The following FRMD4A variants were observed in gnomAD, a reference collection of about 807,000 sequenced individuals.
FRMD4A encodes FERM domain-containing protein 4A.
A neutral mutation model predicts 129.1 loss-of-function variants in FRMD4A; 29 were observed. That is an observed-to-expected ratio of 0.22 (90% CI 0.17 to 0.31). The LOEUF is 0.31. FRMD4A is among the 10% of genes least tolerant of loss of function. The probability of loss-of-function intolerance (pLI) is 1.00; values close to 1 mark genes in which losing one functional copy is unlikely to be tolerated. For synonymous variants in FRMD4A, 634 were observed against 571.6 expected (o/e 1.11, Z -1.56); for missense variants, 1,272 against 1,375.8 (o/e 0.92, Z 1.19).
chr10:14,115,193 G>A (rs1009178451), intron 2 of FRMD4A, among the ~76,000 whole-genome samples: 1 of 152,160 alleles, frequency 6.6e-6, no homozygotes, highest in Non-Finnish European at 1.5e-5. Flanking sequence ...TATAGTAACA[G>A]CACACCTCAT....
At chr10:13,796,461 A>G (rs1283101769) in intron 5 of FRMD4A, 35 bp downstream of exon 5, 3 of 1,043,586 alleles carry the variant, frequency 2.9e-6, no homozygotes, top group Non-Finnish European at 4.5e-6. Context: ...TAAAGAACAC[A>G]AAGAAGCAAA....
At chr10:13,931,709 G>A (rs1303602083) in intron 2 of FRMD4A, among the ~76,000 whole-genome samples, 9 of 150,632 alleles carry the variant, frequency 6.0e-5, no homozygotes, top group East Asian at 5.8e-4. Flanking sequence ...AGGCCACGGT[G>A]GGCAGATCAC....
intron 2 of FRMD4A, among the ~76,000 whole-genome samples, chr10:13,942,314 T>C (rs1450717809): frequency 6.6e-6 from 1 of 152,180 alleles, no homozygotes; most frequent in Non-Finnish European, 1.5e-5. Context: ...CCCCTCCCTG[T>C]GTACTGCCTG....
At chr10:13,852,250 T>C (rs563560894) in intron 3 of FRMD4A, among the ~76,000 whole-genome samples, 1 of 144,328 alleles carries the variant, frequency 6.9e-6, no homozygotes, top group East Asian at 2.0e-4. Context: ...AAGATTTTAA[T>C]TTTTTTTTTT....
intron 2 of FRMD4A, among the ~76,000 whole-genome samples, chr10:13,916,048 G>A (rs963734605): frequency 3.0e-4 from 46 of 152,210 alleles, no homozygotes; most frequent in African/African-American, 1.0e-3. Context: ...TGGAGAAGTC[G>A]CAATGATCTG....
intron 2 of FRMD4A, among the ~76,000 whole-genome samples, chr10:14,029,178 T>C (rs1833117682): frequency 2.0e-5 from 3 of 152,120 alleles, no homozygotes; most frequent in Admixed American, 2.0e-4. Context: ...ATCATCTCTT[T>C]CTCCCATTTC....
chr10:13,780,188 G>A (rs563605791), intron 6 of FRMD4A, among the ~76,000 whole-genome samples: 2 of 152,062 alleles, frequency 1.3e-5, no homozygotes, highest in African/African-American at 2.4e-5. Flanking sequence ...CTAGCCAAGC[G>A]TGGTGGTGCA....
intron 2 of FRMD4A, among the ~76,000 whole-genome samples, chr10:14,105,333 A>G (rs1294452142): frequency 1.3e-5 from 2 of 152,190 alleles, no homozygotes. Context: ...TGGGTGGCCA[A>G]GACCAGAAGA....
intron 2 of FRMD4A, among the ~76,000 whole-genome samples, chr10:13,978,409 C>T (rs1463678755): frequency 1.3e-5 from 2 of 152,178 alleles, no homozygotes; most frequent in Admixed American, 6.5e-5. Context: ...ATACCTCCTT[C>T]TTCTGCTCCT....
intron 2 of FRMD4A, chr10:14,326,321 G>A (rs1485770857): frequency 1.3e-5 from 2 of 152,164 alleles, no homozygotes; most frequent in African/African-American, 4.8e-5. Context: ...AGTGTTAGAA[G>A]GTCCTAGAAG....
At chr10:14,187,899 AC>A (rs1207421914) in intron 2 of FRMD4A, among the ~76,000 whole-genome samples, 5 of 152,216 alleles carry the variant, frequency 3.3e-5, no homozygotes, top group Admixed American at 3.3e-4. Context: ...GGGCCTTGGG[AC>A]AGTGGGGTTC....
chr10:13,812,498 T>C (rs978839895), intron 3 of FRMD4A, among the ~76,000 whole-genome samples: 1 of 152,224 alleles, frequency 6.6e-6, no homozygotes, highest in African/African-American at 2.4e-5. Context: ...ATTTATTGAA[T>C]GCCTACTATG....
chr10:14,218,696 A>G (rs1843150194), intron 2 of FRMD4A, among the ~76,000 whole-genome samples: 1 of 152,068 alleles, frequency 6.6e-6, no homozygotes, highest in African/African-American at 2.4e-5. Context: ...GAGCTACAAG[A>G]TGAGATTTGG....
intron 21 of FRMD4A, among the ~76,000 whole-genome samples, chr10:13,658,301 G>A (rs2082349105): frequency 6.6e-6 from 1 of 152,184 alleles, no homozygotes; most frequent in Non-Finnish European, 1.5e-5. Context: ...GGAAATAGAA[G>A]GTTGGTGGCA....
In FRMD4A at chr10:13,694,579, G is replaced by C. The variant is rs567010921; in HGVS notation, c.976-540C>G. Among the ~76,000 whole-genome samples, 18 of 152,328 alleles carry C rather than the reference G, an allele frequency of 1.2e-4. 1 individual carries two copies. In the South Asian group the frequency reaches 3.5e-3, roughly 30 times the overall value. On this transcript the variant is annotated intron_variant, in intron 14 of 24. Transcript: ENST00000357447. ...TTTCAGTGCTGTGAAAGACCTAAGA[G>C]ATTTAAACCTCTTAAATAGTTTGCC...
At position 13,666,299 on chromosome 10, in the gene FRMD4A, TCGTTCCAGG is replaced by T; in HGVS notation, c.1392_1400del (p.Leu465_Arg467del). 6.2e-7 allele frequency: 1 copy of T among 1,614,062 alleles called. No homozygotes were observed. The highest frequency in any genetic ancestry group is 8.5e-7 in the Non-Finnish European group (1 of 1,179,916). Reference sequence around the variant, plus strand: ...TAATCTGGGACTGAATGGCAAACTCTCGTTCCAGGCGTTCCAGCTCAGCTTCCTGTGGGA... The same window carrying T: ...TAATCTGGGACTGAATGGCAAACTCTCGTTCCAGCTCAGCTTCCTGTGGGA... On this transcript the variant is annotated inframe_deletion, in exon 18 of 25. Transcript: ENST00000357447.
At chr10:13,907,947 C>T (rs190959078) in intron 2 of FRMD4A, among the ~76,000 whole-genome samples, 2,155 of 151,246 alleles carry the variant, frequency 0.014, 50 homozygotes, top group African/African-American at 0.049. Context: ...AGGCGGATCA[C>T]CTGAGGTCAG....
intron 2 of FRMD4A, among the ~76,000 whole-genome samples, chr10:13,936,634 C>A (rs1386170860): frequency 6.6e-6 from 1 of 152,092 alleles, no homozygotes; most frequent in Non-Finnish European, 1.5e-5. Context: ...TTTCATACAC[C>A]AAATCTACCC....
chr10:14,206,357 T>C (rs992168188), intron 2 of FRMD4A, among the ~76,000 whole-genome samples: 2 of 152,194 alleles, frequency 1.3e-5, no homozygotes, highest in African/African-American at 2.4e-5. Context: ...AAAAACGCAA[T>C]TGCAGCTGTC....
Sources: gnomAD v4.1 joint callset for allele counts (sites outside exome capture counted in the v4.1 genomes callset) on GRCh38, gnomAD v4.1.1 for gene constraint, MANE v1.5 for transcripts, NCBI Gene and HGNC (gene_info 2026-07-23, HGNC 2026-07-21) for gene names.